Variants in DCAF17 observed in about 807,000 individuals in gnomAD.
DCAF17 encodes the protein DDB1- and CUL4-associated factor 17.
In DCAF17, 48 loss-of-function variants were observed where a neutral mutation model predicts 66.0. That is an observed-to-expected ratio of 0.73 (90% CI 0.58 to 0.92). The LOEUF is 0.92. Ranked by LOEUF, DCAF17 falls within the 40% of genes least tolerant of loss-of-function variation. The pLI, the probability that DCAF17 is intolerant of heterozygous loss-of-function variation, is 0.00. For missense variants in DCAF17, 562 were observed against 622.8 expected (o/e 0.90, Z 1.04); for synonymous variants, 206 against 214.6 (o/e 0.96, Z 0.35).
intron 2 of DCAF17, among the ~76,000 whole-genome samples, chr2:171,440,362 C>T (rs1694238234): frequency 6.6e-6 from 1 of 151,962 alleles, no homozygotes; most frequent in African/African-American, 2.4e-5. Flanking sequence ...GTTGCTTGAG[C>T]CTAGGAGTTT....
At chr2:171,467,390 T>G (rs563477835) in intron 8 of DCAF17, among the ~76,000 whole-genome samples, 1 of 152,126 alleles carries the variant, frequency 6.6e-6, no homozygotes, top group South Asian at 2.1e-4. Flanking sequence ...TAGTTAAGTT[T>G]TGGGGAAGTC....
rs145388254 is a variant in DCAF17 at position 171,472,389 on chromosome 2, C to T, written c.982-1477C>T. On this transcript the variant is annotated intron_variant, in intron 9 of 13. Coordinates refer to ENST00000375255, the MANE Select transcript of DCAF17 (RefSeq NM_025000.4). Reference sequence around the variant, plus strand: ...AAACAGGGTTTCATCTTGTTGGCCACGCTAGTCTCAAACTCCTGACCTCAA... The same window carrying T: ...AAACAGGGTTTCATCTTGTTGGCCATGCTAGTCTCAAACTCCTGACCTCAA... Among the ~76,000 whole-genome samples, 12 of 152,148 alleles carry T rather than the reference C, an allele frequency of 7.9e-5. No individual in the cohort carries two copies. The East Asian group carries it at 1.9e-3, about 25-fold the overall frequency.
chr2:171,458,549 T>A, intron 8 of DCAF17, 72 bp downstream of exon 8: 3 of 1,152,962 alleles, frequency 2.6e-6, no homozygotes, highest in Non-Finnish European at 3.9e-6. Flanking sequence ...TTAATTATAG[T>A]CATCCAAATG....
Position 171,484,700 on chromosome 2 carries a change from A to G in DCAF17, c.*3586A>G. 2.2e-6 allele frequency: 1 copy of G among 454,070 alleles called. No homozygotes were observed. The highest frequency in any genetic ancestry group is 1.6e-5 in the South Asian group (1 of 64,474). The allele number at this position is 454,070 out of a possible 1,614,324, so 28.1% of individuals were successfully genotyped here. A position where few individuals can be genotyped will look rare whatever the true frequency, so the allele number is the denominator to read the frequency against. ...CCAAACCCTTTCCAAAATTTAGACCATTGCAATCATCTTCAGAAAGTTTCC... is the reference window on the plus strand; with the variant it reads ...CCAAACCCTTTCCAAAATTTAGACCGTTGCAATCATCTTCAGAAAGTTTCC... On this transcript the variant is annotated 3_prime_UTR_variant, in exon 14 of 14. Coordinates refer to ENST00000375255, the MANE Select transcript of DCAF17 (RefSeq NM_025000.4).
chr2:171,484,817 A>G lies in DCAF17; in HGVS notation c.*3703A>G, dbSNP rs9789572. 0.22 allele frequency: 100,211 copies of G among 453,782 alleles called. 11,896 individuals carry two copies. The highest frequency in any genetic ancestry group is 0.32 in the Admixed American group (13,702 of 42,534). 28.1% of individuals were successfully genotyped at this position (453,782 alleles called of 1,614,324 possible). A position where few individuals can be genotyped will look rare whatever the true frequency, so the allele number is the denominator to read the frequency against. On this transcript the variant is annotated 3_prime_UTR_variant, in exon 14 of 14. Coordinates refer to ENST00000375255, the MANE Select transcript of DCAF17 (RefSeq NM_025000.4). ...ATCAAAGGTTAAATTTACCTGTTCT[A>G]AACTTCATATGAGTGAAATTATACA...
intron 2 of DCAF17, among the ~76,000 whole-genome samples, chr2:171,440,281 G>A (rs1694233324): frequency 6.6e-6 from 1 of 152,156 alleles, no homozygotes; most frequent in Non-Finnish European, 1.5e-5. Flanking sequence ...TATATGATAT[G>A]ATATATTGGA....
At chr2:171,463,301 TAA>T (rs1241166362) in intron 8 of DCAF17, among the ~76,000 whole-genome samples, 19 of 125,594 alleles carry the variant, frequency 1.5e-4, no homozygotes, top group African/African-American at 2.1e-4. Context: ...TACTATTAAG[TAA>T]AAAAAAAAAA....
chr2:171,434,462 G>A lies in DCAF17; in HGVS notation c.-116G>A. 6.6e-7 allele frequency: 1 copy of A among 1,506,334 alleles called. No homozygotes were observed. 93.3% of individuals were successfully genotyped at this position (1,506,334 alleles called of 1,614,324 possible). A position where few individuals can be genotyped will look rare whatever the true frequency, so the allele number is the denominator to read the frequency against. On this transcript the variant is annotated 5_prime_UTR_variant, in exon 1 of 14. Coordinates refer to ENST00000375255, the MANE Select transcript of DCAF17 (RefSeq NM_025000.4). ...GCCTCCCCGTGTCAGCTTTCCCTGG[G>A]CCCCGCCGGGAAAGTCTGGGCCTCG...
At position 171,476,904 on chromosome 2, in the gene DCAF17, A is replaced by G. The variant is rs752718186; in HGVS notation, c.1136A>G (p.Gln379Arg). 1.2e-6 allele frequency: 2 copies of G among 1,613,658 alleles called. No homozygotes were observed. Among genetic ancestry groups the G allele is most frequent in the African/African-American group, 2.7e-5 (2 of 74,920 alleles). ...ATAGAAAATAATAGTTCTCAGCATC[A>G]GATCTCTGAAGATTTTGTCATTTTG... The part of the protein sequence containing the change: ...TEIENNSSQH[Q>R]ISEDFVILAN... The change falls in exon 11 of 14, where the codon CAG (glutamine) becomes CGG (arginine). Residue 379 changes from glutamine (Q) to arginine (R), a missense_variant. This residue lies in a region of DCAF17 where 201 missense variants were observed against 231.1 expected (regional missense o/e 0.87). Transcript: ENST00000375255.
chr2:171,473,896 T>C lies in DCAF17; in HGVS notation c.1012T>C (p.Cys338Arg), dbSNP rs748563436. 2 of 1,613,860 alleles carry C rather than the reference T, an allele frequency of 1.2e-6. No individual in the cohort carries two copies. Among genetic ancestry groups the C allele is most frequent in the Non-Finnish European group, 1.7e-6 (2 of 1,179,850 alleles). The stretch of plus-strand genomic sequence containing the variant: ...AAATGGGATCCAAGAAATGGATTGT[T>C]GTTCTCTAGAATCTGACTGGATCTA... Reference protein sequence around the residue: ...AKNGIQEMDCCSLESDWIYFH... With the variant: ...AKNGIQEMDCRSLESDWIYFH... The change falls in exon 10 of 14, where the codon TGT becomes CGT. Residue 338 changes from cysteine to arginine, a missense_variant. Physicochemically the swap from Cys to Arg is radical, Grantham distance 180. This residue lies in a region of DCAF17 where 201 missense variants were observed against 231.1 expected (regional missense o/e 0.87). Transcript: ENST00000375255.
rs537382523 is a variant in DCAF17 at position 171,481,247 on chromosome 2, T to C, written c.*133T>C. ...AAGTCTTGTGTTGACTTCAGATGAC[T>C]ATGACTTCTTTTTTAAACTCTTGCT... On this transcript the variant is annotated 3_prime_UTR_variant, in exon 14 of 14. Coordinates refer to ENST00000375255, the MANE Select transcript of DCAF17 (RefSeq NM_025000.4). 35 of 1,096,338 alleles carry C rather than the reference T, an allele frequency of 3.2e-5. 1 individual carries two copies. The South Asian group carries it at 4.4e-4, about 14-fold the overall frequency. The allele number at this position is 1,096,338 out of a possible 1,614,324, so 67.9% of individuals were successfully genotyped here.
chr2:171,444,745 A>G (rs11677562), intron 3 of DCAF17, among the ~76,000 whole-genome samples: 50,795 of 152,134 alleles, frequency 0.33, 9,718 homozygotes, highest in East Asian at 0.63. Context: ...TCCTTTAGGA[A>G]AAACGGAACT....
intron 12 of DCAF17, 77 bp downstream of exon 12, chr2:171,478,147 A>C: frequency 1.5e-6 from 2 of 1,297,938 alleles, no homozygotes; most frequent in Non-Finnish European, 2.2e-6. Flanking sequence ...ACTTCCCCAT[A>C]TCCTGGGGTA....
At chr2:171,452,663 G>A (rs1273631848) in intron 5 of DCAF17, among the ~76,000 whole-genome samples, 1 of 152,110 alleles carries the variant, frequency 6.6e-6, no homozygotes, top group Non-Finnish European at 1.5e-5. Flanking sequence ...TATTTCTACA[G>A]TGAGTGGCCA....
At chr2:171,465,027 C>G (rs777986542) in intron 8 of DCAF17, among the ~76,000 whole-genome samples, 3 of 151,878 alleles carry the variant, frequency 2.0e-5, no homozygotes, top group Non-Finnish European at 4.4e-5. Flanking sequence ...GAAACCCTGT[C>G]TCTACTAAAA....
chr2:171,446,500 C>G (rs976434086), intron 3 of DCAF17, among the ~76,000 whole-genome samples: 2 of 151,662 alleles, frequency 1.3e-5, no homozygotes, highest in Non-Finnish European at 2.9e-5. Context: ...GAGCAGAGAT[C>G]ATGCCACTGC....
rs1424591058 is a variant in DCAF17, at chr2:171,434,478, C to G, written c.-100C>G. 9.2e-6 allele frequency: 14 copies of G among 1,516,380 alleles called. No individual in the cohort carries two copies. Among genetic ancestry groups the G allele is most frequent in the Non-Finnish European group, 1.2e-5 (14 of 1,134,596 alleles). 93.9% of individuals were successfully genotyped at this position (1,516,380 alleles called of 1,614,324 possible). ...TTTCCCTGGGCCCCGCCGGGAAAGT[C>G]TGGGCCTCGAAATTCGAAGGCAGCG... On this transcript the variant is annotated 5_prime_UTR_variant, in exon 1 of 14. Coordinates refer to ENST00000375255, the MANE Select transcript of DCAF17 (RefSeq NM_025000.4).
chr2:171,458,871 A>G (rs985771335), intron 8 of DCAF17, among the ~76,000 whole-genome samples: 5 of 152,116 alleles, frequency 3.3e-5, no homozygotes, highest in East Asian at 1.9e-4. Flanking sequence ...AATTTTTACC[A>G]TGACATCTGA....
chr2:171,476,708 G>A (rs1039280298), intron 10 of DCAF17, 152 bp from the exon 11 acceptor site: 4 of 619,234 alleles, frequency 6.5e-6, no homozygotes, highest in Non-Finnish European at 1.2e-5. Flanking sequence ...TGGACATTTA[G>A]TGATCACTTA....
Sources: gnomAD v4.1 joint callset for allele counts (sites outside exome capture counted in the v4.1 genomes callset) on GRCh38, gnomAD v4.1.1 for gene constraint, gnomAD v4.1.1 regional missense constraint, MANE v1.5 for transcripts, NCBI Gene and HGNC (gene_info 2026-07-23, HGNC 2026-07-21) for gene names.